Variants in UACA observed in about 807,000 individuals in gnomAD.
UACA encodes nuclear membrane binding protein.
In UACA, 112 loss-of-function variants were observed where a neutral mutation model predicts 160.5. The ratio of observed to expected loss-of-function variants is 0.70; its 90% CI spans 0.60 to 0.82. The LOEUF is 0.82. Among genes scored for constraint, UACA ranks in the 40% least tolerant of loss-of-function variants. UACA has a pLI of 0.00. For synonymous variants in UACA, 557 were observed against 568.4 expected, an observed-to-expected ratio of 0.98 and a Z score of 0.29; for missense variants, 1,574 against 1,614.6, an observed-to-expected ratio of 0.97 and a Z score of 0.43.
At chr15:70,666,110 C>A (rs1896894610) in intron 16 of UACA, among the ~76,000 whole-genome samples, 2 of 152,086 alleles carry the variant, frequency 1.3e-5, no homozygotes, top group African/African-American at 4.8e-5. Flanking sequence ...GATGGCAAAG[C>A]CACAGTAAAA....
chr15:70,739,327 C>G (rs1183503944), intron 1 of UACA, among the ~76,000 whole-genome samples: 1 of 152,104 alleles, frequency 6.6e-6, no homozygotes, highest in Admixed American at 6.6e-5. Context: ...GGATGTGCAG[C>G]AATACCCATG....
rs753639369 is a variant in UACA at position 70,657,139 on chromosome 15, G to A, written c.4180-12C>T. ...TCATCCATGTGACCCTTCGGAGAAA[G>A]AAGAAAGAGGAGCATTATTTTATGT... is the stretch of plus-strand genomic sequence containing the variant. On this transcript the variant is annotated splice_polypyrimidine_tract_variant and intron_variant, in intron 18 of 18. Coordinates refer to ENST00000322954, the MANE Select transcript of UACA (RefSeq NM_018003.4). 6.2e-7 allele frequency: 1 copy of A among 1,607,818 alleles called. No individual in the cohort carries two copies. The highest frequency in any genetic ancestry group is 1.1e-5 in the South Asian group (1 of 90,954).
Position 70,763,374 on chromosome 15 carries a change from C to G in UACA, c.34G>C (p.Asp12His). ...CCAGACGACGCGGGGCCGGGCACGT[C>G]CTGCCTCCTCAGGCGGGACTTGAGG... Reference protein sequence around the residue: ...KSLKSRLRRQDVPGPASSGAA... With the variant: ...KSLKSRLRRQHVPGPASSGAA... The change falls in exon 1 of 19, where the codon GAC (aspartate) becomes CAC (histidine). Residue 12 changes from aspartate to histidine, a missense_variant. Coordinates refer to ENST00000322954, the MANE Select transcript of UACA (RefSeq NM_018003.4). The G allele has an allele frequency of 1.5e-6, 2 of 1,334,412 alleles. No individual in the cohort carries two copies. The highest frequency in any genetic ancestry group is 1.9e-6 in the Non-Finnish European group (2 of 1,036,712). 82.7% of individuals were successfully genotyped at this position (1,334,412 alleles called of 1,614,324 possible).
At position 70,668,566 on chromosome 15, in the gene UACA, A is replaced by G. The variant is rs373326012; in HGVS notation, c.2118T>C (p.Thr706=). The G allele has an allele frequency of 9.3e-5, 150 of 1,612,700 alleles. No homozygotes were observed. The highest frequency in any genetic ancestry group is 1.2e-4 in the Non-Finnish European group (146 of 1,179,870). Reference sequence around the variant, plus strand: ...GTGTCTGATTTTTCAATGTTAACTCAGTGATCTTCTTCCCAAGTTCTCCTG... The same window carrying G: ...GTGTCTGATTTTTCAATGTTAACTCGGTGATCTTCTTCCCAAGTTCTCCTG... ...QKSGELGKKI[T]ELTLKNQTLQ... Residue 706 remains threonine, a synonymous_variant, in exon 16 of 19, where the codon ACT becomes ACC. Coordinates refer to ENST00000322954, the MANE Select transcript of UACA (RefSeq NM_018003.4).
intron 1 of UACA, among the ~76,000 whole-genome samples, chr15:70,748,167 GC>G (rs1899768399): frequency 6.6e-6 from 1 of 151,972 alleles, no homozygotes; most frequent in African/African-American, 2.4e-5. Flanking sequence ...GAAAATGGGG[GC>G]AATTTAAATG....
intron 1 of UACA, chr15:70,702,122 T>C: frequency 7.6e-7 from 1 of 1,315,690 alleles, no homozygotes; most frequent in Non-Finnish European, 9.7e-7. Flanking sequence ...GAATATTATC[T>C]TCCTTGCAAT....
chr15:70,671,128 T>A, intron 14 of UACA, 37 bp from the exon 15 acceptor site: 2 of 1,393,258 alleles, frequency 1.4e-6, no homozygotes, highest in Non-Finnish European at 2.0e-6. Flanking sequence ...TTAACTTCAA[T>A]ATCCATACTA....
At position 70,759,642 on chromosome 15, in the gene UACA, T is replaced by A. The variant is rs554676073; in HGVS notation, c.78+3688A>T. On this transcript the variant is annotated intron_variant, in intron 1 of 18. Transcript: ENST00000322954. ...TGCACTGCAGCCTGGGCAACAAGAG[T>A]GAAACTCCATCTCGAAAAATAAATA... is the stretch of plus-strand genomic sequence containing the variant. 4.6e-5 allele frequency among the ~76,000 whole-genome samples: 7 copies of A among 152,108 alleles called. No homozygotes were observed. In the South Asian group the frequency reaches 8.3e-4, roughly 18 times the overall value.
upstream of UACA, among the ~76,000 whole-genome samples, chr15:70,763,792 G>A (rs1368725336): frequency 2.0e-5 from 3 of 152,250 alleles, no homozygotes; most frequent in African/African-American, 4.8e-5. Context: ...CCAGGCCACC[G>A]GCGCCCGCCC....
intron 18 of UACA, among the ~76,000 whole-genome samples, chr15:70,658,166 A>G (rs1896552068): frequency 6.6e-6 from 1 of 152,182 alleles, no homozygotes; most frequent in Non-Finnish European, 1.5e-5. Context: ...TATATAACAC[A>G]TACTATTTTG....
At chr15:70,752,361 C>T (rs2030138044) in intron 1 of UACA, among the ~76,000 whole-genome samples, 1 of 152,140 alleles carries the variant, frequency 6.6e-6, no homozygotes, top group Non-Finnish European at 1.5e-5. Flanking sequence ...CAGGGCCTCC[C>T]CACTGGGACT....
intron 17 of UACA, among the ~76,000 whole-genome samples, chr15:70,663,941 G>T (rs1334676396): frequency 6.6e-6 from 1 of 151,998 alleles, no homozygotes; most frequent in Non-Finnish European, 1.5e-5. Context: ...AATGGGTGCA[G>T]CACACCAACA....
intron 3 of UACA, 149 bp from the exon 4 acceptor site, chr15:70,691,512 T>G (rs933253658): frequency 3.4e-6 from 2 of 581,918 alleles, no homozygotes; most frequent in African/African-American, 3.8e-5. Flanking sequence ...ATGTTTCATC[T>G]AGCTTGATAT....
intron 1 of UACA, among the ~76,000 whole-genome samples, chr15:70,756,811 T>C (rs1057009378): frequency 6.6e-6 from 1 of 152,166 alleles, no homozygotes; most frequent in African/African-American, 2.4e-5. Flanking sequence ...AGGCGGAGGT[T>C]GCAGTGAGCA....
chr15:70,669,287 T>C lies in UACA; in HGVS notation c.1397A>G (p.Glu466Gly), dbSNP rs1253935608. Residue 466 changes from glutamate (E) to glycine (G), a missense_variant, in exon 16 of 19, where the codon GAA becomes GGA. Glu to Gly is a moderately conservative substitution (Grantham distance 98). Coordinates refer to ENST00000322954, the MANE Select transcript of UACA (RefSeq NM_018003.4). ...GCATTCTGCCACTTTGTGTGCCAGT[T>C]CATTTTGGAGCTTCAGTCGGTCTTG... ...AKQDRLKLQN[E>G]LAHKVAECKA... The C allele has an allele frequency of 6.2e-7, 1 of 1,613,976 alleles. No individual in the cohort carries two copies. Among genetic ancestry groups the C allele is most frequent in the Admixed American group, 1.7e-5 (1 of 59,996 alleles).
intron 15 of UACA, 103 bp downstream of exon 15, chr15:70,670,936 T>C (rs567151950): frequency 7.3e-6 from 4 of 546,634 alleles, no homozygotes; most frequent in South Asian, 5.3e-5. Flanking sequence ...CCTCACTCTA[T>C]GTATATATAC....
chr15:70,700,318 T>TATATATAC (rs565377949), intron 1 of UACA, among the ~76,000 whole-genome samples: 1 of 139,760 alleles, frequency 7.2e-6, no homozygotes, highest in African/African-American at 2.9e-5. Flanking sequence ...TATATATATA[T>TATATATAC]ACACACACAC....
chr15:70,662,182 T>C (rs190105065), intron 17 of UACA, among the ~76,000 whole-genome samples: 111 of 152,250 alleles, frequency 7.3e-4, no homozygotes, highest in Non-Finnish European at 1.3e-3. Flanking sequence ...ACAAAATCAA[T>C]GTGCAAAAAT....
rs530583391 is a variant in UACA at position 70,751,290 on chromosome 15, A to C, written c.78+12040T>G. 1.3e-4 allele frequency among the ~76,000 whole-genome samples: 20 copies of C among 152,326 alleles called. No individual in the cohort carries two copies. The South Asian group carries it at 4.1e-3, about 32-fold the overall frequency. The stretch of plus-strand genomic sequence containing the variant: ...TAAATTTTTTTCATAATTGAAAAAT[A>C]GAGATACCACTTATCTCCCTCAGGA... On this transcript the variant is annotated intron_variant, in intron 1 of 18. Coordinates refer to ENST00000322954, the MANE Select transcript of UACA (RefSeq NM_018003.4).
Sources: allele counts gnomAD v4.1 joint callset (sites outside exome capture counted in the v4.1 genomes callset), GRCh38; gene constraint gnomAD v4.1.1; transcripts MANE v1.5; gene names NCBI Gene and HGNC (gene_info 2026-07-23, HGNC 2026-07-21).